Variants in PTPN11 observed in about 807,000 individuals in gnomAD.
PTPN11 encodes the protein protein tyrosine phosphatase non-receptor type 11, also known as tyrosine-protein phosphatase non-receptor type 11.
Under a neutral mutation model 78.8 loss-of-function variants are expected in PTPN11, and 6 were observed. That is an observed-to-expected ratio of 0.08 (90% CI 0.04 to 0.15). The LOEUF is 0.15. Ranked by LOEUF, PTPN11 falls within the 10% of genes least tolerant of loss-of-function variation. PTPN11 has a pLI of 1.00. For missense variants in PTPN11, 386 were observed against 744.8 expected, an observed-to-expected ratio of 0.52 and a Z score of 5.61; for synonymous variants, 221 against 263.5, an observed-to-expected ratio of 0.84 and a Z score of 1.56.
At chr12:112,468,900 C>G (rs562513157) in intron 6 of PTPN11, among the ~76,000 whole-genome samples, 140 of 152,234 alleles carry the variant, frequency 9.2e-4, no homozygotes, top group African/African-American at 3.2e-3. Flanking sequence ...CCTGTCTTTA[C>G]AAAAAGGAAA....
At chr12:112,441,375 C>T (rs1202376440) in intron 1 of PTPN11, among the ~76,000 whole-genome samples, 2 of 152,088 alleles carry the variant, frequency 1.3e-5, no homozygotes, top group African/African-American at 2.4e-5. Flanking sequence ...AATCCTCCCA[C>T]CTTAGCCTCC....
At chr12:112,437,568 C>G (rs2037814161) in intron 1 of PTPN11, among the ~76,000 whole-genome samples, 1 of 152,188 alleles carries the variant, frequency 6.6e-6, no homozygotes, top group African/African-American at 2.4e-5. Context: ...TTTAGAAGTT[C>G]TGCATCAATA....
At chr12:112,477,575 G>A in intron 7 of PTPN11, 76 bp from the exon 8 acceptor site, 1 of 1,165,212 alleles carries the variant, frequency 8.6e-7, no homozygotes. Flanking sequence ...GGACTAGGCT[G>A]GGGAGTAACT....
intron 7 of PTPN11, 99 bp from the exon 8 acceptor site, chr12:112,477,552 A>G (rs2038523855): frequency 2.1e-6 from 2 of 949,058 alleles, no homozygotes; most frequent in South Asian, 2.8e-5. Context: ...CAATCATTGA[A>G]TGAACAAAAC....
chr12:112,486,433 A>T (rs2038676511), intron 10 of PTPN11, 42 bp from the exon 11 acceptor site: 1 of 1,567,372 alleles, frequency 6.4e-7, no homozygotes. Flanking sequence ...CAACCTCTTG[A>T]TTTATTTAAT....
chr12:112,430,797 C>G, intron 1 of PTPN11, among the ~76,000 whole-genome samples: 1 of 151,364 alleles, frequency 6.6e-6, no homozygotes, highest in Non-Finnish European at 1.5e-5. Context: ...AAGTTAGTTT[C>G]AGATATCAAC....
At chr12:112,432,836 G>T (rs1416683406) in intron 1 of PTPN11, among the ~76,000 whole-genome samples, 2 of 151,926 alleles carry the variant, frequency 1.3e-5, no homozygotes, top group Admixed American at 6.6e-5. Context: ...TTATGGTGGA[G>T]CTGTCCTGTA....
intron 6 of PTPN11, among the ~76,000 whole-genome samples, chr12:112,456,481 CAG>C (rs1027619341): frequency 1.5e-5 from 2 of 131,538 alleles, no homozygotes; most frequent in Admixed American, 1.7e-4. Flanking sequence ...TTTTTTGAGA[CAG>C]GGTCTCGCTC....
intron 1 of PTPN11, among the ~76,000 whole-genome samples, chr12:112,438,577 G>T (rs190786024): frequency 1.4e-4 from 22 of 152,146 alleles, no homozygotes; most frequent in African/African-American, 5.3e-4. Context: ...TGCCTCCCGG[G>T]TTCAAGCGAT....
rs1315177744 is a variant in PTPN11, at chr12:112,456,682, A to C, written c.756+619A>C. ...GCAGTGTTGCCCAGGCTGGTCTTGA[A>C]CTCTTGGGCTCAAGTGATCCTCCTA... On this transcript the variant is annotated intron_variant, in intron 6 of 15. Coordinates refer to ENST00000351677, the MANE Select transcript of PTPN11 (RefSeq NM_002834.5). Among the ~76,000 whole-genome samples, 5 of 148,864 alleles carry C rather than the reference A, an allele frequency of 3.4e-5. No individual in the cohort carries two copies. In the East Asian group the frequency reaches 9.8e-4, roughly 29 times the overall value.
rs148176616 is a variant in PTPN11, at chr12:112,502,202, C to T, written c.1658C>T (p.Thr553Met). 1,410 of 1,613,846 alleles carry T rather than the reference C, an allele frequency of 8.7e-4. 1 individual carries two copies. Among genetic ancestry groups the T allele is most frequent in the Non-Finnish European group, 1.1e-3 (1,309 of 1,179,838 alleles). ...TNIKYSLADQTSGDQSPLPPC... is the reference protein window; with the variant it reads ...TNIKYSLADQMSGDQSPLPPC... Reference sequence around the variant, plus strand: ...ATTAAGTATTCTCTAGCGGACCAGACGAGTGGAGATCAGAGCCCTCTCCCG... The same window carrying T: ...ATTAAGTATTCTCTAGCGGACCAGATGAGTGGAGATCAGAGCCCTCTCCCG... The change falls in exon 14 of 16, where the codon ACG becomes ATG. Residue 553 changes from threonine to methionine, a missense_variant. By Grantham distance (81) the Thr-to-Met change is moderately conservative. Transcript: ENST00000351677.
At chr12:112,467,537 C>G (rs141647508) in intron 6 of PTPN11, among the ~76,000 whole-genome samples, 27 of 152,222 alleles carry the variant, frequency 1.8e-4, no homozygotes, top group African/African-American at 6.5e-4. Context: ...CTCTTTTGCC[C>G]AGCCTGGAGT....
chr12:112,427,412 G>C (rs1256818317), intron 1 of PTPN11, among the ~76,000 whole-genome samples: 1 of 151,684 alleles, frequency 6.6e-6, no homozygotes, highest in Non-Finnish European at 1.5e-5. Flanking sequence ...CAGGCCTGGT[G>C]GTGGGTGCCT....
intron 7 of PTPN11, among the ~76,000 whole-genome samples, chr12:112,475,992 CAA>C (rs1458626109): frequency 6.6e-6 from 1 of 151,800 alleles, no homozygotes; most frequent in Non-Finnish European, 1.5e-5. Flanking sequence ...TAGAAATAGA[CAA>C]GAGTTTCTCT....
chr12:112,435,924 C>T (rs1327185254), intron 1 of PTPN11, among the ~76,000 whole-genome samples: 1 of 152,084 alleles, frequency 6.6e-6, no homozygotes, highest in Non-Finnish European at 1.5e-5. Context: ...GTGGCTCACA[C>T]CTGTAATCCC....
Position 112,486,871 on chromosome 12 carries a change from CA to C in PTPN11, c.1379+243del. 2.1e-6 allele frequency: 3 copies of C among 1,419,658 alleles called. No individual in the cohort carries two copies. The South Asian group carries it at 4.5e-5, about 22-fold the overall frequency. 87.9% of individuals were successfully genotyped at this position (1,419,658 alleles called of 1,614,324 possible). A position where few individuals can be genotyped will look rare whatever the true frequency, so the allele number is the denominator to read the frequency against. ...TCAGTTAAAACAGCAAAGACTAAGT[CA>C]GCATTATCTCTGAGTCCACCAGAAG... On this transcript the variant is annotated intron_variant, in intron 11 of 15. Coordinates refer to ENST00000351677, the MANE Select transcript of PTPN11 (RefSeq NM_002834.5).
At chr12:112,474,266 G>A (rs1206864155) in intron 7 of PTPN11, among the ~76,000 whole-genome samples, 5 of 152,146 alleles carry the variant, frequency 3.3e-5, no homozygotes, top group African/African-American at 1.2e-4. Flanking sequence ...TGAGGCAGGA[G>A]AATCGCTTGA....
chr12:112,419,103 G>T lies in PTPN11; in HGVS notation c.-9G>T, dbSNP rs910657423. On this transcript the variant is annotated 5_prime_UTR_variant, in exon 1 of 16. Coordinates refer to ENST00000351677, the MANE Select transcript of PTPN11 (RefSeq NM_002834.5). ...CGGGTCCGTCGCGGAGCCGGAGGGC[G>T]GGAGGAACATGACATCGCGGAGGTG... The T allele has an allele frequency of 6.5e-7, 1 of 1,531,254 alleles. No homozygotes were observed. Among genetic ancestry groups the T allele is most frequent in the Non-Finnish European group, 8.8e-7 (1 of 1,141,538 alleles). 94.9% of individuals were successfully genotyped at this position (1,531,254 alleles called of 1,614,324 possible). A position where few individuals can be genotyped will look rare whatever the true frequency, so the allele number is the denominator to read the frequency against.
At chr12:112,503,530 G>A (rs988668684) in intron 14 of PTPN11, among the ~76,000 whole-genome samples, 2 of 152,062 alleles carry the variant, frequency 1.3e-5, no homozygotes, top group Non-Finnish European at 2.9e-5. Flanking sequence ...GTATTTTCTC[G>A]TCCAAGTTGC....
Sources: gnomAD v4.1 joint callset for allele counts (sites outside exome capture counted in the v4.1 genomes callset) on GRCh38, gnomAD v4.1.1 for gene constraint, MANE v1.5 for transcripts, NCBI Gene and HGNC (gene_info 2026-07-23, HGNC 2026-07-21) for gene names.